Variants in HIP1 observed in about 807,000 individuals in gnomAD.
HIP1 encodes huntingtin-interacting protein 1.
Under a neutral mutation model 147.6 loss-of-function variants are expected in HIP1, and 65 were observed. The observed-to-expected ratio is 0.44, with a 90% confidence interval of 0.36 to 0.54. The LOEUF (loss-of-function observed/expected upper bound fraction) is 0.54. Among genes scored for constraint, HIP1 ranks in the 20% least tolerant of loss-of-function variants. HIP1 has a pLI of 0.00. For synonymous variants in HIP1, 479 were observed against 504.0 expected (o/e 0.95, Z 0.67); for missense variants, 1,061 against 1,299.6 (o/e 0.82, Z 2.82).
chr7:75,535,362 C>T lies in HIP1; in HGVS notation c.*2810G>A. ...CCTGGGCTGGGCTCTGACACAGAAT[C>T]TTTTTTTTTTTGAGACAGGGTCTCA... On this transcript the variant is annotated 3_prime_UTR_variant, in exon 31 of 31. Coordinates refer to ENST00000336926, the MANE Select transcript of HIP1 (RefSeq NM_005338.7). The T allele has an allele frequency of 5.8e-6, 1 of 173,800 alleles. No homozygotes were observed. Among genetic ancestry groups the T allele is most frequent in the Non-Finnish European group, 1.2e-5 (1 of 82,286 alleles). 10.8% of individuals were successfully genotyped at this position (173,800 alleles called of 1,614,324 possible). A position where few individuals can be genotyped will look rare whatever the true frequency, so the allele number is the denominator to read the frequency against.
intron 1 of HIP1, among the ~76,000 whole-genome samples, chr7:75,715,278 C>T (rs1313823487): frequency 2.0e-5 from 3 of 151,824 alleles, no homozygotes; most frequent in Non-Finnish European, 2.9e-5. Flanking sequence ...GTAGTTCCAG[C>T]GACTCAGGAG....
Position 75,622,134 on chromosome 7 carries a change from A to T in HIP1, c.121-22887T>A, listed in dbSNP as rs112042035. Among the ~76,000 whole-genome samples, 1,274 of 151,982 alleles carry T rather than the reference A, an allele frequency of 8.4e-3. 17 individuals carry two copies. The highest frequency in any genetic ancestry group is 0.044 in the Middle Eastern group (13 of 294). On this transcript the variant is annotated intron_variant, in intron 1 of 30. Coordinates refer to ENST00000336926, the MANE Select transcript of HIP1 (RefSeq NM_005338.7). ...TGTCTCTACTAAAAATACAAAAATTAGCCAGATGTGGTGGTGCACGCCACC... is the reference window on the plus strand; with the variant it reads ...TGTCTCTACTAAAAATACAAAAATTTGCCAGATGTGGTGGTGCACGCCACC...
Position 75,653,046 on chromosome 7 carries a change from T to C in HIP1, c.121-53799A>G, listed in dbSNP as rs546588572. Among the ~76,000 whole-genome samples the C allele has an allele frequency of 2.3e-3, 352 of 152,146 alleles. 2 individuals are homozygous for C. The highest frequency in any genetic ancestry group is 8.3e-3 in the African/African-American group (345 of 41,494). On this transcript the variant is annotated intron_variant, in intron 1 of 30. Transcript: ENST00000336926. Reference sequence around the variant, plus strand: ...TGCCCAGATATTTGGCTAAACAATATATGTGGGTGTGTCAGTGAGGGTGTC... The same window carrying C: ...TGCCCAGATATTTGGCTAAACAATACATGTGGGTGTGTCAGTGAGGGTGTC...
chr7:75,686,474 A>C (rs1800264884), intron 1 of HIP1, among the ~76,000 whole-genome samples: 1 of 152,140 alleles, frequency 6.6e-6, no homozygotes, highest in Non-Finnish European at 1.5e-5. Context: ...AGCGTCATGT[A>C]TTGAAGAATT....
intron 1 of HIP1, among the ~76,000 whole-genome samples, chr7:75,706,361 C>T (rs759811998): frequency 3.3e-5 from 5 of 151,772 alleles, no homozygotes; most frequent in Non-Finnish European, 7.4e-5. Flanking sequence ...TGATAGTAGC[C>T]ATCCTAATGG....
chr7:75,595,251 T>TTCCTTCCTTCCTTCCTTC (rs1796675604), intron 2 of HIP1, among the ~76,000 whole-genome samples: 2 of 59,540 alleles, frequency 3.4e-5, no homozygotes, highest in African/African-American at 1.7e-4. Context: ...TTTCTTTCTT[T>TTCCTTCCTTCCTTCCTTC]CTTCCTTCCT....
At chr7:75,692,711 T>C (rs1173476536) in intron 1 of HIP1, among the ~76,000 whole-genome samples, 3 of 151,422 alleles carry the variant, frequency 2.0e-5, no homozygotes, top group East Asian at 3.9e-4. Context: ...ATTACAGGCA[T>C]GAGCCACTGC....
chr7:75,695,725 C>A (rs1414036310), intron 1 of HIP1, among the ~76,000 whole-genome samples: 3 of 152,064 alleles, frequency 2.0e-5, no homozygotes, highest in African/African-American at 7.2e-5. Flanking sequence ...CAGGCATGCA[C>A]CACCACACCC....
At chr7:75,621,315 G>A (rs1355322458) in intron 1 of HIP1, among the ~76,000 whole-genome samples, 1 of 96,688 alleles carries the variant, frequency 1.0e-5, no homozygotes, top group African/African-American at 2.9e-5. Context: ...TATGGCTAGA[G>A]CCGGAAGTCA....
chr7:75,631,160 G>A lies in HIP1; in HGVS notation c.121-31913C>T, dbSNP rs182880221. 5.1e-4 allele frequency among the ~76,000 whole-genome samples: 77 copies of A among 151,478 alleles called. 1 individual carries two copies. The South Asian group carries it at 0.01, about 20-fold the overall frequency. On this transcript the variant is annotated intron_variant, in intron 1 of 30. Coordinates refer to ENST00000336926, the MANE Select transcript of HIP1 (RefSeq NM_005338.7). ...TTTAAATTTTTTTTTTTTTAGTAGA[G>A]ATAGGATCTTGCTATTTTTCCCAGG...
Position 75,542,984 on chromosome 7 carries a change from C to A in HIP1, c.2767-10G>T. 1 of 1,610,474 alleles carries A rather than the reference C, an allele frequency of 6.2e-7. No individual in the cohort carries two copies. The highest frequency in any genetic ancestry group is 8.5e-7 in the Non-Finnish European group (1 of 1,178,194). On this transcript the variant is annotated splice_polypyrimidine_tract_variant and intron_variant, in intron 27 of 30. Coordinates refer to ENST00000336926, the MANE Select transcript of HIP1 (RefSeq NM_005338.7). ...CCTTATCAGCTTTCACCTACCAGGA[C>A]AAAGCAGATTTAGGTTCATACAACA...
intron 7 of HIP1, among the ~76,000 whole-genome samples, chr7:75,576,346 AC>A (rs1410997156): frequency 6.6e-6 from 1 of 152,014 alleles, no homozygotes; most frequent in African/African-American, 2.4e-5. Flanking sequence ...TCTTCCTGCA[AC>A]CCCCAGAACC....
rs945164608 is a variant in HIP1 at position 75,535,583 on chromosome 7, C to T, written c.*2589G>A. On this transcript the variant is annotated 3_prime_UTR_variant, in exon 31 of 31. Coordinates refer to ENST00000336926, the MANE Select transcript of HIP1 (RefSeq NM_005338.7). ...CTATGATGCCCAGCCTGGTCTCAAACTCCTGAGCTCAAGCAATCATCCCGT... is the reference window on the plus strand; with the variant it reads ...CTATGATGCCCAGCCTGGTCTCAAATTCCTGAGCTCAAGCAATCATCCCGT... 5.5e-6 allele frequency: 1 copy of T among 182,190 alleles called. No individual in the cohort carries two copies. Among genetic ancestry groups the T allele is most frequent in the Non-Finnish European group, 1.2e-5 (1 of 85,510 alleles). The allele number at this position is 182,190 out of a possible 1,614,324, so 11.3% of individuals were successfully genotyped here.
At position 75,706,623 on chromosome 7, in the gene HIP1, A is replaced by AT. The variant is rs71082342; in HGVS notation, c.120+32177dup. On this transcript the variant is annotated intron_variant, in intron 1 of 30. Transcript: ENST00000336926. Reference sequence around the variant, plus strand: ...GGTTTCCTACACCCATCAACTCGTCATTTTTTTTTTTTTTTTTTTTTATTA... The same window carrying AT: ...GGTTTCCTACACCCATCAACTCGTCATTTTTTTTTTTTTTTTTTTTTTATTA... Among the ~76,000 whole-genome samples the AT allele has an allele frequency of 5.2e-3, 542 of 103,616 alleles. 7 individuals carry two copies. Among genetic ancestry groups the AT allele is most frequent in the Non-Finnish European group, 8.0e-3 (424 of 53,096 alleles). 68.0% of individuals were successfully genotyped at this position (103,616 alleles called of 152,430 possible).
intron 2 of HIP1, among the ~76,000 whole-genome samples, chr7:75,596,554 T>A (rs1554501995): frequency 6.6e-6 from 1 of 151,972 alleles, no homozygotes; most frequent in East Asian, 1.9e-4. Context: ...ACCTGGCTAA[T>A]TTTTGTTTTT....
intron 1 of HIP1, among the ~76,000 whole-genome samples, chr7:75,617,950 A>C (rs1797724185): frequency 6.6e-6 from 1 of 152,162 alleles, no homozygotes; most frequent in African/African-American, 2.4e-5. Context: ...ACATATCCTG[A>C]TCTTTCACTA....
At chr7:75,611,681 T>C in intron 1 of HIP1, 1 of 1,025,440 alleles carries the variant, frequency 9.8e-7, no homozygotes, top group Non-Finnish European at 1.2e-6. Flanking sequence ...GAGGGGGCTC[T>C]GGGTTAGGGA....
chr7:75,664,002 ATG>A lies in HIP1; in HGVS notation c.121-64757_121-64756del, dbSNP rs1212711839. On this transcript the variant is annotated intron_variant, in intron 1 of 30. Transcript: ENST00000336926. ...TATATGTGTATATATATACACATATATGTGTATATATATACACATATATGTGT... is the reference window on the plus strand; with the variant it reads ...TATATGTGTATATATATACACATATATGTATATATATACACATATATGTGT... 6.4e-4 allele frequency among the ~76,000 whole-genome samples: 18 copies of A among 27,910 alleles called. 5 individuals carry two copies. The highest frequency in any genetic ancestry group is 1.3e-3 in the Admixed American group (3 of 2,248). The allele number at this position is 27,910 out of a possible 152,430, so 18.3% of individuals were successfully genotyped here.
chr7:75,639,590 T>TGTGTGC lies in HIP1; in HGVS notation c.121-40344_121-40343insGCACAC, dbSNP rs533751823. Among the ~76,000 whole-genome samples the TGTGTGC allele has an allele frequency of 8.4e-3, 1,258 of 150,106 alleles. 8 individuals carry two copies. The highest frequency in any genetic ancestry group is 0.012 in the African/African-American group (477 of 40,486). On this transcript the variant is annotated intron_variant, in intron 1 of 30. Transcript: ENST00000336926. ...GTGTGTGTGTGTGTGTGTGTGTGTG[T>TGTGTGC]GTGCGCCCGCGTGTGTGTGCAGGCG...
Sources: allele counts gnomAD v4.1 joint callset (sites outside exome capture counted in the v4.1 genomes callset), GRCh38; gene constraint gnomAD v4.1.1; transcripts MANE v1.5; gene names NCBI Gene and HGNC (gene_info 2026-07-23, HGNC 2026-07-21).